The following LRPPRC variants were observed in gnomAD, a reference collection of about 807,000 sequenced individuals.
LRPPRC encodes leucine-rich PPR motif-containing protein, mitochondrial.
Under a neutral mutation model 180.3 loss-of-function variants are expected in LRPPRC, and 120 were observed. The ratio of observed to expected loss-of-function variants is 0.67; its 90% CI spans 0.57 to 0.77. The LOEUF (loss-of-function observed/expected upper bound fraction) is 0.77. LRPPRC is among the 30% of genes least tolerant of loss of function. LRPPRC has a pLI of 0.00. For synonymous variants in LRPPRC, 723 were observed against 600.0 expected (o/e 1.21, Z -3.00); for missense variants, 2,012 against 1,657.2 (o/e 1.21, Z -3.72).
At chr2:43,901,152 A>C (rs576628986) in intron 32 of LRPPRC, among the ~76,000 whole-genome samples, 168 bp downstream of exon 32, 25 of 152,366 alleles carry the variant, frequency 1.6e-4, no homozygotes, top group South Asian at 4.1e-4. Flanking sequence ...GGTAAAGAAA[A>C]AACATATTTT....
At chr2:43,945,880 A>T (rs978406606) in intron 21 of LRPPRC, among the ~76,000 whole-genome samples, 1 of 152,128 alleles carries the variant, frequency 6.6e-6, no homozygotes, top group African/African-American at 2.4e-5. Flanking sequence ...ATGGAAAAAA[A>T]CCTTTGGTTC....
rs780032604 is a variant in LRPPRC, at chr2:43,889,314, C to CAAAAAA, written c.4128+414_4128+419dup. Reference sequence around the variant, plus strand: ...TGGGCAACACAGCGAGACTCCATCTCAAAAAAAAAAAAAAAAAAAAAAAAA... The same window carrying CAAAAAA: ...TGGGCAACACAGCGAGACTCCATCTCAAAAAAAAAAAAAAAAAAAAAAAAAAAAAAA... On this transcript the variant is annotated intron_variant, in intron 37 of 37. Transcript: ENST00000260665. Among the ~76,000 whole-genome samples, 101 of 38,320 alleles carry CAAAAAA rather than the reference C, an allele frequency of 2.6e-3. 6 individuals are homozygous for CAAAAAA. Among genetic ancestry groups the CAAAAAA allele is most frequent in the African/African-American group, 8.8e-3 (65 of 7,370 alleles). 25.1% of individuals were successfully genotyped at this position (38,320 alleles called of 152,430 possible).
At chr2:43,909,502 T>C (rs745458757) in intron 30 of LRPPRC, among the ~76,000 whole-genome samples, 7 of 152,068 alleles carry the variant, frequency 4.6e-5, no homozygotes, top group Non-Finnish European at 1.0e-4. Flanking sequence ...CATAAGTAAG[T>C]TCTGGAGCTC....
intron 31 of LRPPRC, chr2:43,901,779 T>C (rs1670897459): frequency 4.5e-6 from 2 of 448,218 alleles, no homozygotes; most frequent in South Asian, 2.6e-5. Flanking sequence ...TTACCGACAA[T>C]ATGAGTTCCA....
chr2:43,911,814 A>G (rs1572907503), intron 30 of LRPPRC, among the ~76,000 whole-genome samples: 5 of 151,924 alleles, frequency 3.3e-5, no homozygotes, highest in Admixed American at 3.3e-4. Flanking sequence ...GGCATGAGCC[A>G]CCGCGCCCAG....
At chr2:43,989,447 A>G (rs980630508) in intron 1 of LRPPRC, among the ~76,000 whole-genome samples, 8 of 152,190 alleles carry the variant, frequency 5.3e-5, no homozygotes, top group African/African-American at 1.9e-4. Flanking sequence ...AGTAATGCAA[A>G]GTCAGTTAAC....
Position 43,899,449 on chromosome 2 carries a change from A to C in LRPPRC, c.3709+17T>G. On this transcript the variant is annotated intron_variant, in intron 33 of 37. Transcript: ENST00000260665. ...AAAATGTGCTTGTGTGTTCTTTAGC[A>C]CAAACAACTAACTTACTCTTTTCAA... 1 of 1,614,120 alleles carries C rather than the reference A, an allele frequency of 6.2e-7. No individual in the cohort carries two copies. The highest frequency in any genetic ancestry group is 1.3e-5 in the African/African-American group (1 of 75,054).
Position 43,947,338 on chromosome 2 carries a change from G to C in LRPPRC, c.1998C>G (p.Ser666=). 1 of 1,601,304 alleles carries C rather than the reference G, an allele frequency of 6.2e-7. No individual in the cohort carries two copies. Among genetic ancestry groups the C allele is most frequent in the Non-Finnish European group, 8.6e-7 (1 of 1,169,562 alleles). ...TVQLTSSELE[S]TLETLKAENQ... ...TTTCAGCTTTTAGTGTTTCAAGTGT[G>C]GACTCCAATTCAGATGATGTAAGTT... The change falls in exon 20 of 38, where the codon TCC becomes TCG. Residue 666 remains serine (S), a synonymous_variant. Coordinates refer to ENST00000260665, the MANE Select transcript of LRPPRC (RefSeq NM_133259.4).
chr2:43,991,512 T>G (rs981662442), intron 1 of LRPPRC, among the ~76,000 whole-genome samples: 1 of 152,226 alleles, frequency 6.6e-6, no homozygotes, highest in Non-Finnish European at 1.5e-5. Flanking sequence ...TCAAAGCTTA[T>G]CTTTCCTCTG....
chr2:43,903,584 TG>T (rs1670963306), intron 31 of LRPPRC: 1 of 8,578 alleles, frequency 1.2e-4, no homozygotes, highest in Non-Finnish European at 2.5e-4. Context: ...GGGGGTGGGG[TG>T]GGGGTGGGGG....
chr2:43,889,354 G>C (rs1484276449), intron 37 of LRPPRC, among the ~76,000 whole-genome samples: 2 of 120,042 alleles, frequency 1.7e-5, no homozygotes, highest in East Asian at 2.2e-4. Flanking sequence ...AAATTTCCTA[G>C]ACGAAGAAAT....
At chr2:43,931,072 T>A (rs1313916721) in intron 25 of LRPPRC, among the ~76,000 whole-genome samples, 1 of 152,110 alleles carries the variant, frequency 6.6e-6, no homozygotes, top group Admixed American at 6.6e-5. Context: ...AGTTAAATGA[T>A]GTATGAAATG....
rs1671824418 is a variant in LRPPRC at position 43,924,955 on chromosome 2, A to G, written c.2896+112T>C. ...TAGCCTCTACCTGAGCCTCTGTTGA[A>G]TGAAAACTGCCTTCTGACAATCCCT... On this transcript the variant is annotated intron_variant, in intron 27 of 37. Coordinates refer to ENST00000260665, the MANE Select transcript of LRPPRC (RefSeq NM_133259.4). 4.0e-6 allele frequency: 3 copies of G among 751,852 alleles called. No individual in the cohort carries two copies. The Admixed American group carries it at 5.4e-5, about 14-fold the overall frequency. 46.6% of individuals were successfully genotyped at this position (751,852 alleles called of 1,614,324 possible).
At chr2:43,934,144 G>A (rs780785209) in intron 25 of LRPPRC, 46 bp downstream of exon 25, 3 of 1,033,778 alleles carry the variant, frequency 2.9e-6, no homozygotes, top group Admixed American at 3.4e-5. Context: ...TTCTAATTAA[G>A]AGTCTAAATA....
At chr2:43,908,508 T>C (rs963569370) in intron 30 of LRPPRC, among the ~76,000 whole-genome samples, 1 of 152,108 alleles carries the variant, frequency 6.6e-6, no homozygotes, top group Non-Finnish European at 1.5e-5. Context: ...ATAAAAATGA[T>C]ATTTTTTTTA....
intron 1 of LRPPRC, among the ~76,000 whole-genome samples, chr2:43,988,217 G>T (rs1036497422): frequency 1.4e-5 from 2 of 140,250 alleles, no homozygotes; most frequent in African/African-American, 5.6e-5. Flanking sequence ...CTCCAGCCTG[G>T]GAGACAGAGA....
rs1459644423 is a variant in LRPPRC, at chr2:43,901,402, T to C, written c.3487A>G (p.Lys1163Glu). 2 of 1,613,862 alleles carry C rather than the reference T, an allele frequency of 1.2e-6. No individual in the cohort carries two copies. Among genetic ancestry groups the C allele is most frequent in the Non-Finnish European group, 1.7e-6 (2 of 1,179,684 alleles). The change falls in exon 32 of 38, where the codon AAG (lysine) becomes GAG (glutamate). Residue 1163 changes from lysine to glutamate, a missense_variant. Lys to Glu is a moderately conservative substitution (Grantham distance 56). Transcript: ENST00000260665. ...GDVENIEVVQ[K>E]MLNGLEDSIG... ...GAGTCTTCGAGTCCATTTAACATCT[T>C]CTGAACTACTTCTATGTTTTCAACA...
intron 23 of LRPPRC, among the ~76,000 whole-genome samples, chr2:43,939,281 AAAAAT>A (rs1672389667): frequency 8.2e-6 from 1 of 121,946 alleles, no homozygotes; most frequent in African/African-American, 3.5e-5. Flanking sequence ...TCCGTCTCAA[AAAAAT>A]AAAAATAAAA....
chr2:43,912,406 G>A (rs935419470), intron 30 of LRPPRC, 26 bp downstream of exon 30: 2 of 1,595,898 alleles, frequency 1.3e-6, no homozygotes, highest in Non-Finnish European at 1.7e-6. Flanking sequence ...TTAAACAAGA[G>A]GTTTAATAAA....
Sources: gnomAD v4.1 joint callset for allele counts (sites outside exome capture counted in the v4.1 genomes callset) on GRCh38, gnomAD v4.1.1 for gene constraint, MANE v1.5 for transcripts, NCBI Gene and HGNC (gene_info 2026-07-23, HGNC 2026-07-21) for gene names.